Variants in PHKA2 observed in about 807,000 individuals in gnomAD.
The protein encoded by PHKA2 is phosphorylase b kinase regulatory subunit alpha, liver isoform.
A neutral mutation model predicts 102.0 loss-of-function variants in PHKA2; 31 were observed. The observed-to-expected ratio is 0.30, with a 90% CI of 0.23 to 0.41. PHKA2 has a LOEUF of 0.41. Ranked by LOEUF, PHKA2 falls within the 10% of genes least tolerant of loss-of-function variation. PHKA2 has a pLI of 1.00. For missense variants in PHKA2, 858 were observed against 1,023.1 expected (o/e 0.84, Z 2.20); for synonymous variants, 455 against 416.2 (o/e 1.09, Z -1.13).
chrX:18,969,167 A>C (rs1428834812), intron 1 of PHKA2, among the ~76,000 whole-genome samples: 1 of 111,845 alleles, frequency 8.9e-6, no homozygotes, highest in African/African-American at 3.3e-5. Context: ...TCAAAGTTTA[A>C]ATTTTATCAC....
At chrX:18,954,949 G>T (rs1259162518) in intron 1 of PHKA2, among the ~76,000 whole-genome samples, 1 of 112,061 alleles carries the variant, frequency 8.9e-6, no homozygotes, top group Non-Finnish European at 1.9e-5. Context: ...CAAGCAAGAG[G>T]ACATCTGGGA....
In PHKA2 at chrX:18,928,892, A is replaced by C. The variant is rs1035166334; in HGVS notation, c.1324+336T>G. On this transcript the variant is annotated intron_variant, in intron 13 of 32. Transcript: ENST00000379942. ...TCCAAGGGAGGAATGAATGACCCTCAGTTGGGTTCTGAGTTTTCACCAGGC... is the reference window on the plus strand; with the variant it reads ...TCCAAGGGAGGAATGAATGACCCTCCGTTGGGTTCTGAGTTTTCACCAGGC... 3.5e-5 allele frequency among the ~76,000 whole-genome samples: 4 copies of C among 112,961 alleles called. No homozygotes were observed. In the Admixed American group the frequency reaches 3.7e-4, roughly 11 times the overall value.
At chrX:18,894,738 CTA>C (rs2047502045) in intron 31 of PHKA2, 4 of 380,391 alleles carry the variant, frequency 1.1e-5, no homozygotes, top group Non-Finnish European at 1.8e-5. Context: ...TGGGGTAAAA[CTA>C]AAAAAAAATC....
intron 28 of PHKA2, among the ~76,000 whole-genome samples, chrX:18,899,797 G>C (rs1467785631): frequency 1.8e-5 from 2 of 112,149 alleles, no homozygotes; most frequent in South Asian, 3.7e-4. Context: ...AAAGAGACTA[G>C]AGATTGAAAA....
At chrX:18,962,649 A>G (rs1212186352) in intron 1 of PHKA2, among the ~76,000 whole-genome samples, 1 of 112,007 alleles carries the variant, frequency 8.9e-6, no homozygotes, top group Admixed American at 9.5e-5. Flanking sequence ...CTTATACCAC[A>G]GTCAAACAAA....
At chrX:18,903,846 G>GCCCA (rs776855973) in intron 26 of PHKA2, among the ~76,000 whole-genome samples, 1 of 112,078 alleles carries the variant, frequency 8.9e-6, no homozygotes, top group Admixed American at 9.4e-5. Flanking sequence ...TCGTATCACT[G>GCCCA]CCCACTCCAA....
chrX:18,968,973 G>A (rs965467146), intron 1 of PHKA2, among the ~76,000 whole-genome samples: 3 of 111,216 alleles, frequency 2.7e-5, no homozygotes, highest in East Asian at 2.8e-4. Flanking sequence ...AAAAATTAGC[G>A]GGGCGTGGTG....
At chrX:18,906,899 G>A in intron 23 of PHKA2, 85 bp from the exon 24 acceptor site, 3 of 1,005,845 alleles carry the variant, frequency 3.0e-6, no homozygotes. Flanking sequence ...CTTATTTTCT[G>A]TGCTAGACGC....
At chrX:18,952,890 A>G (rs1180952252) in intron 2 of PHKA2, among the ~76,000 whole-genome samples, 3 of 112,170 alleles carry the variant, frequency 2.7e-5, no homozygotes, top group Non-Finnish European at 5.6e-5. Flanking sequence ...TCTTACACTA[A>G]GTCCACCACG....
intron 7 of PHKA2, 104 bp from the exon 8 acceptor site, chrX:18,941,779 C>T: frequency 3.4e-6 from 2 of 594,152 alleles, no homozygotes; most frequent in South Asian, 2.3e-5. Context: ...ATACGGTTGC[C>T]AATTTTGAGT....
In PHKA2 at chrX:18,918,729, G is replaced by A. The variant is rs765823035; in HGVS notation, c.2089C>T (p.Arg697Trp). The change falls in exon 19 of 33, where the codon CGG becomes TGG. Residue 697 changes from arginine (R) to tryptophan (W), a missense_variant. Physicochemically the swap from Arg to Trp is moderately radical, Grantham distance 101. Transcript: ENST00000379942. ...RHVFSAIHSTRDILSVMAKAK... is the reference protein window; with the variant it reads ...RHVFSAIHSTWDILSVMAKAK... The stretch of plus-strand genomic sequence containing the variant: ...TTTGCCATCACAGAAAGTATGTCCC[G>A]CGTGGAGTGGATAGCACTGAAGACA... 1.8e-5 allele frequency: 22 copies of A among 1,208,548 alleles called. No homozygotes were observed. The highest frequency in any genetic ancestry group is 1.6e-4 in the South Asian group (9 of 56,794).
At chrX:18,947,135 C>T (rs141078480) in intron 5 of PHKA2, among the ~76,000 whole-genome samples, 1,422 of 111,977 alleles carry the variant, frequency 0.013, 32 homozygotes, top group African/African-American at 0.043. Context: ...GAGCCATGCT[C>T]ATTTATTTAC....
intron 12 of PHKA2, 87 bp from the exon 13 acceptor site, chrX:18,929,393 G>A: frequency 1.6e-6 from 1 of 641,959 alleles, no homozygotes; most frequent in Non-Finnish European, 2.5e-6. Context: ...AATATTTTGG[G>A]GCTCAACATA....
intron 1 of PHKA2, among the ~76,000 whole-genome samples, chrX:18,961,923 A>T (rs758855187): frequency 9.1e-6 from 1 of 110,035 alleles, no homozygotes; most frequent in African/African-American, 3.3e-5. Context: ...CACAGGACGG[A>T]GGTGAAGTTT....
intron 17 of PHKA2, 86 bp downstream of exon 17, chrX:18,923,966 CAATT>C: frequency 3.1e-6 from 2 of 653,685 alleles, no homozygotes; most frequent in Non-Finnish European, 2.6e-6. Flanking sequence ...TTAGGTTCAA[CAATT>C]AATATGAAAA....
intron 30 of PHKA2, chrX:18,895,785 G>A (rs1432838036): frequency 8.3e-6 from 1 of 119,872 alleles, no homozygotes; most frequent in Non-Finnish European, 1.7e-5. Context: ...AAATTTTCTA[G>A]GAACAGCTTG....
At chrX:18,955,901 A>G (rs2048766789) in intron 1 of PHKA2, among the ~76,000 whole-genome samples, 1 of 112,670 alleles carries the variant, frequency 8.9e-6, no homozygotes, top group Admixed American at 9.4e-5. Context: ...ATATATTGAC[A>G]TGGTTCTACG....
intron 1 of PHKA2, among the ~76,000 whole-genome samples, chrX:18,980,217 C>T (rs2049151168): frequency 8.9e-6 from 1 of 112,874 alleles, no homozygotes; most frequent in Non-Finnish European, 1.9e-5. Context: ...GGGTATTGTC[C>T]AAGGTTTCTC....
At chrX:18,924,615 T>C in intron 15 of PHKA2, 90 bp from the exon 16 acceptor site, 1 of 912,180 alleles carries the variant, frequency 1.1e-6, no homozygotes, top group Non-Finnish European at 1.6e-6. Context: ...ATCCTGGGGT[T>C]TTATTGCCAG....
Sources: allele counts gnomAD v4.1 joint callset (sites outside exome capture counted in the v4.1 genomes callset), GRCh38; gene constraint gnomAD v4.1.1; transcripts MANE v1.5; gene names NCBI Gene and HGNC (gene_info 2026-07-23, HGNC 2026-07-21).